The following SPOCK1 variants were observed in gnomAD, a reference collection of about 807,000 sequenced individuals.
SPOCK1 encodes the protein testican-1.
A neutral mutation model predicts 55.3 loss-of-function variants in SPOCK1; 23 were observed. That is an observed-to-expected ratio of 0.42 (90% CI 0.30 to 0.59). SPOCK1 has a LOEUF of 0.59. Ranked by LOEUF, SPOCK1 falls within the 20% of genes least tolerant of loss-of-function variation. The pLI is 0.22. For synonymous variants in SPOCK1, 226 were observed against 221.0 expected, an observed-to-expected ratio of 1.02 and a Z score of -0.20; for missense variants, 499 against 552.5, an observed-to-expected ratio of 0.90 and a Z score of 0.97.
At chr5:137,359,174 T>C (rs773266212) in intron 2 of SPOCK1, among the ~76,000 whole-genome samples, 7 of 152,190 alleles carry the variant, frequency 4.6e-5, no homozygotes, top group Admixed American at 3.3e-4. Context: ...CTCTTAAGAA[T>C]AAAACTTTGG....
chr5:137,243,149 T>G (rs1191340194), intron 3 of SPOCK1, among the ~76,000 whole-genome samples: 1 of 152,196 alleles, frequency 6.6e-6, no homozygotes, highest in African/African-American at 2.4e-5. Context: ...TCCTGGGAAG[T>G]GCCTTGTCCC....
intron 2 of SPOCK1, among the ~76,000 whole-genome samples, chr5:137,448,414 T>C (rs1753176539): frequency 6.6e-6 from 1 of 152,150 alleles, no homozygotes; most frequent in African/African-American, 2.4e-5. Context: ...CCTGGTGGTT[T>C]CTTTGGGGCT....
chr5:137,044,514 C>A (rs539421098), intron 6 of SPOCK1, among the ~76,000 whole-genome samples: 1 of 152,060 alleles, frequency 6.6e-6, no homozygotes, highest in East Asian at 1.9e-4. Context: ...TTTTAAAAGG[C>A]GTATTTTTTT....
At chr5:137,235,934 A>G (rs527883116) in intron 3 of SPOCK1, among the ~76,000 whole-genome samples, 14 of 152,352 alleles carry the variant, frequency 9.2e-5, no homozygotes, top group Admixed American at 6.5e-5. Flanking sequence ...GAGGCCCCGG[A>G]TAAATGAAAC....
chr5:137,485,925 T>A (rs1207422244), intron 2 of SPOCK1, among the ~76,000 whole-genome samples: 1 of 152,196 alleles, frequency 6.6e-6, no homozygotes, highest in African/African-American at 2.4e-5. Flanking sequence ...GCTGTTTGGG[T>A]GTGTTCACTT....
intron 6 of SPOCK1, among the ~76,000 whole-genome samples, chr5:137,055,371 A>G (rs554534887): frequency 2.0e-4 from 31 of 152,332 alleles, no homozygotes; most frequent in African/African-American, 7.2e-4. Flanking sequence ...TAGGGCAAAA[A>G]AAACCCTCTG....
chr5:137,289,558 A>C (rs942309982), intron 2 of SPOCK1, among the ~76,000 whole-genome samples: 2 of 152,230 alleles, frequency 1.3e-5, no homozygotes, highest in South Asian at 4.1e-4. Flanking sequence ...TTTCCCAGCT[A>C]GAGATGTGTT....
chr5:137,167,101 A>G (rs1754662145), intron 3 of SPOCK1, among the ~76,000 whole-genome samples: 1 of 152,064 alleles, frequency 6.6e-6, no homozygotes, highest in Non-Finnish European at 1.5e-5. Flanking sequence ...ACACACATAG[A>G]CTGAAAATAA....
intron 5 of SPOCK1, among the ~76,000 whole-genome samples, chr5:137,079,540 C>CG (rs1554096414): frequency 2.7e-5 from 4 of 147,366 alleles, no homozygotes; most frequent in Non-Finnish European, 4.4e-5. Context: ...GATTCCCCCC[C>CG]CCCCCGACTT....
intron 2 of SPOCK1, among the ~76,000 whole-genome samples, chr5:137,419,199 T>C (rs914202501): frequency 6.6e-6 from 1 of 152,250 alleles, no homozygotes; most frequent in African/African-American, 2.4e-5. Flanking sequence ...TTTTGGTTAC[T>C]GTAGCCTTGT....
intron 4 of SPOCK1, among the ~76,000 whole-genome samples, chr5:137,115,692 C>A (rs1474191521): frequency 2.0e-5 from 3 of 152,140 alleles, no homozygotes; most frequent in Admixed American, 6.5e-5. Flanking sequence ...TAGATGGGGG[C>A]AAACTCAGCT....
At chr5:137,464,856 A>G (rs1259501102) in intron 2 of SPOCK1, among the ~76,000 whole-genome samples, 1 of 152,222 alleles carries the variant, frequency 6.6e-6, no homozygotes, top group African/African-American at 2.4e-5. Context: ...TATATGTGGT[A>G]GCAGAAACAT....
chr5:137,281,063 C>T (rs1479904195), intron 2 of SPOCK1, among the ~76,000 whole-genome samples: 1 of 151,920 alleles, frequency 6.6e-6, no homozygotes, highest in African/African-American at 2.4e-5. Flanking sequence ...TTCTACTTTA[C>T]TACTTTTCAA....
At chr5:137,305,736 G>A (rs1048624416) in intron 2 of SPOCK1, among the ~76,000 whole-genome samples, 2 of 152,096 alleles carry the variant, frequency 1.3e-5, no homozygotes, top group Non-Finnish European at 2.9e-5. Flanking sequence ...CAGTTCCTCC[G>A]TGCAAACTTC....
At chr5:137,432,687 A>G (rs1347595165) in intron 2 of SPOCK1, among the ~76,000 whole-genome samples, 2 of 152,232 alleles carry the variant, frequency 1.3e-5, no homozygotes, top group African/African-American at 2.4e-5. Context: ...TTGCACTACA[A>G]TGTGAATATA....
chr5:137,403,150 T>C (rs1580906354), intron 2 of SPOCK1, among the ~76,000 whole-genome samples: 2 of 152,308 alleles, frequency 1.3e-5, no homozygotes, highest in Non-Finnish European at 2.9e-5. Flanking sequence ...GAGAAAGAGA[T>C]AAAAGAGCTA....
At chr5:137,274,798 T>C (rs1180871818) in intron 2 of SPOCK1, among the ~76,000 whole-genome samples, 1 of 152,152 alleles carries the variant, frequency 6.6e-6, no homozygotes, top group Non-Finnish European at 1.5e-5. Context: ...ATCAATGAAA[T>C]TTGAAAACTT....
At chr5:137,161,688 A>G (rs1754560352) in intron 3 of SPOCK1, among the ~76,000 whole-genome samples, 1 of 152,190 alleles carries the variant, frequency 6.6e-6, no homozygotes, top group Non-Finnish European at 1.5e-5. Flanking sequence ...CAAGTTCATA[A>G]TAAATGCATG....
intron 2 of SPOCK1, among the ~76,000 whole-genome samples, chr5:137,313,912 G>A (rs1416195290): frequency 1.1e-4 from 16 of 148,452 alleles, no homozygotes; most frequent in Non-Finnish European, 8.9e-5. Context: ...ACTGACATAC[G>A]CTCACAACAG....
Sources: allele counts gnomAD v4.1 joint callset (sites outside exome capture counted in the v4.1 genomes callset), GRCh38; gene constraint gnomAD v4.1.1; transcripts MANE v1.5; gene names NCBI Gene and HGNC (gene_info 2026-07-23, HGNC 2026-07-21).